The following ITGA9 variants were observed in gnomAD, a reference collection of about 807,000 sequenced individuals.
ITGA9 encodes the protein integrin alpha-9.
In ITGA9, 56 loss-of-function variants were observed where a neutral mutation model predicts 127.8. That is an observed-to-expected ratio of 0.44 (90% CI 0.35 to 0.55). ITGA9 has a LOEUF of 0.55. ITGA9 is among the 20% of genes least tolerant of loss of function. The pLI is 0.00. For synonymous variants in ITGA9, 508 were observed against 514.5 expected (o/e 0.99, Z 0.17); for missense variants, 1,196 against 1,347.1 (o/e 0.89, Z 1.76).
At chr3:37,780,580 A>G (rs1696965042) in intron 25 of ITGA9, among the ~76,000 whole-genome samples, 1 of 152,080 alleles carries the variant, frequency 6.6e-6, no homozygotes, top group Admixed American at 6.5e-5. Flanking sequence ...TCATCCATTC[A>G]TGGACACTTA....
intron 17 of ITGA9, among the ~76,000 whole-genome samples, chr3:37,662,847 T>C (rs1559561254): frequency 6.6e-6 from 1 of 152,212 alleles, no homozygotes; most frequent in Non-Finnish European, 1.5e-5. Flanking sequence ...TCCATGGTGT[T>C]GTGGCTGGAG....
intron 22 of ITGA9, chr3:37,748,955 A>AAAGAAAG: frequency 3.1e-6 from 2 of 641,638 alleles, no homozygotes; most frequent in Non-Finnish European, 5.6e-6. Context: ...AAAAAAGAAA[A>AAAGAAAG]AAGAAAAATC....
intron 23 of ITGA9, among the ~76,000 whole-genome samples, chr3:37,768,632 T>C (rs1696806751): frequency 6.6e-6 from 1 of 152,114 alleles, no homozygotes; most frequent in Admixed American, 6.5e-5. Flanking sequence ...TAATATGATA[T>C]GGAAAAGTGG....
chr3:37,725,627 C>T (rs1288079073), intron 18 of ITGA9, among the ~76,000 whole-genome samples: 2 of 152,166 alleles, frequency 1.3e-5, no homozygotes, highest in African/African-American at 2.4e-5. Flanking sequence ...ATTCCAGTTT[C>T]CTCCTCATAA....
At chr3:37,586,049 C>T (rs942121901) in intron 15 of ITGA9, among the ~76,000 whole-genome samples, 4 of 152,162 alleles carry the variant, frequency 2.6e-5, no homozygotes. Context: ...TGGTGGCAGA[C>T]AAGAGCATGT....
intron 23 of ITGA9, 27 bp from the exon 24 acceptor site, chr3:37,777,365 C>T (rs1696920997): frequency 1.2e-6 from 2 of 1,613,878 alleles, no homozygotes. Context: ...AGAATGACTC[C>T]TCTGACAGGC....
Position 37,542,602 on chromosome 3 carries a change from T to G in ITGA9, c.1689+17T>G. 6.2e-7 allele frequency: 1 copy of G among 1,613,302 alleles called. No homozygotes were observed. Among genetic ancestry groups the G allele is most frequent in the Non-Finnish European group, 8.5e-7 (1 of 1,179,322 alleles). On this transcript the variant is annotated intron_variant, in intron 15 of 27. Coordinates refer to ENST00000264741, the MANE Select transcript of ITGA9 (RefSeq NM_002207.3). Reference sequence around the variant, plus strand: ...CATGTGAAGGTCAGTCCTCTCCTCCTTTTTATCCTCAAACTTTGATCTCTG... The same window carrying G: ...CATGTGAAGGTCAGTCCTCTCCTCCGTTTTATCCTCAAACTTTGATCTCTG...
chr3:37,549,963 A>C (rs1369469894), intron 15 of ITGA9, among the ~76,000 whole-genome samples: 1 of 152,234 alleles, frequency 6.6e-6, no homozygotes, highest in African/African-American at 2.4e-5. Flanking sequence ...AATTCCCATA[A>C]TATTCAGGTA....
intron 21 of ITGA9, among the ~76,000 whole-genome samples, chr3:37,742,999 TC>T (rs1166769372): frequency 1.3e-5 from 2 of 152,104 alleles, no homozygotes; most frequent in Non-Finnish European, 2.9e-5. Flanking sequence ...GAAAACATTC[TC>T]CCCACCACCC....
At chr3:37,625,702 A>C (rs532273682) in intron 15 of ITGA9, among the ~76,000 whole-genome samples, 2 of 152,314 alleles carry the variant, frequency 1.3e-5, no homozygotes, top group South Asian at 4.2e-4. Context: ...GCTTAATTGC[A>C]GTGCTGAGCT....
intron 16 of ITGA9, among the ~76,000 whole-genome samples, chr3:37,637,435 G>T (rs1371041354): frequency 6.6e-6 from 1 of 152,048 alleles, no homozygotes; most frequent in East Asian, 1.9e-4. Flanking sequence ...CTCTCTGTTT[G>T]TCTGTTATTG....
chr3:37,775,057 CA>C (rs1696889959), intron 23 of ITGA9, among the ~76,000 whole-genome samples: 1 of 152,266 alleles, frequency 6.6e-6, no homozygotes, highest in African/African-American at 2.4e-5. Flanking sequence ...TTCTACACAG[CA>C]AAAGAGACTA....
At chr3:37,513,682 C>A (rs1455244031) in intron 8 of ITGA9, 81 bp from the exon 9 acceptor site, 1 of 1,540,232 alleles carries the variant, frequency 6.5e-7, no homozygotes. Context: ...GTTTCTAAAG[C>A]CAATGGGGTG....
chr3:37,522,745 G>A lies in ITGA9; in HGVS notation c.1237-776G>A, dbSNP rs866129212. 4.8e-4 allele frequency among the ~76,000 whole-genome samples: 73 copies of A among 151,326 alleles called. 1 individual carries two copies. The highest frequency in any genetic ancestry group is 2.0e-4 in the Admixed American group (3 of 15,194). ...CTCTTAAAAAAAAAAAAAAGAGAAA[G>A]TTTTTTGTTTTTAAAAAACATATAA... On this transcript the variant is annotated intron_variant, in intron 11 of 27. Transcript: ENST00000264741.
At chr3:37,462,301 T>C (rs532874086) in intron 1 of ITGA9, among the ~76,000 whole-genome samples, 10 of 152,220 alleles carry the variant, frequency 6.6e-5, no homozygotes, top group South Asian at 2.1e-4. Flanking sequence ...CTTTTCCCAG[T>C]TGGGCATGGA....
chr3:37,516,035 G>A (rs980900996), intron 9 of ITGA9, among the ~76,000 whole-genome samples: 95 of 152,286 alleles, frequency 6.2e-4, no homozygotes, highest in African/African-American at 2.2e-3. Flanking sequence ...GAGTGCTGTG[G>A]GCATTCAGTG....
intron 16 of ITGA9, among the ~76,000 whole-genome samples, chr3:37,649,140 A>G (rs1251430095): frequency 3.3e-5 from 5 of 151,814 alleles, no homozygotes; most frequent in Admixed American, 1.3e-4. Flanking sequence ...AAACAAAACA[A>G]AAGAAAACCG....
chr3:37,493,255 C>A (rs1362401196), intron 4 of ITGA9, among the ~76,000 whole-genome samples: 1 of 152,210 alleles, frequency 6.6e-6, no homozygotes, highest in Non-Finnish European at 1.5e-5. Context: ...CTGGAGTAGA[C>A]ACTCAGAACG....
intron 1 of ITGA9, among the ~76,000 whole-genome samples, chr3:37,469,285 A>C (rs1698403687): frequency 6.6e-6 from 1 of 152,186 alleles, no homozygotes; most frequent in Non-Finnish European, 1.5e-5. Flanking sequence ...GTTTGCATGC[A>C]AACTGTTCTA....
Sources: allele counts gnomAD v4.1 joint callset (sites outside exome capture counted in the v4.1 genomes callset), GRCh38; gene constraint gnomAD v4.1.1; transcripts MANE v1.5; gene names NCBI Gene and HGNC (gene_info 2026-07-23, HGNC 2026-07-21).